The following TEP1 variants were observed in gnomAD, a reference collection of about 807,000 sequenced individuals.
TEP1 encodes the protein telomerase associated protein 1.
Under a neutral mutation model 306.3 loss-of-function variants are expected in TEP1, and 241 were observed. The observed-to-expected ratio is 0.79, with a 90% CI of 0.71 to 0.88. The LOEUF is 0.88. Ranked by LOEUF, TEP1 falls within the 40% of genes least tolerant of loss-of-function variation. TEP1 has a pLI of 0.00. For synonymous variants in TEP1, 1,289 were observed against 1,305.5 expected (o/e 0.99, Z 0.27); for missense variants, 3,051 against 3,276.1 (o/e 0.93, Z 1.68).
In TEP1 at chr14:20,408,066, C is replaced by T. The variant is rs1481997730; in HGVS notation, c.374G>A (p.Ser125Asn). ...LSSLKSTVSA[S>N]PLFQSLQISH... ...TATCTGTAGACTCTGGAACAAGGGG[C>T]TGGCAGACACAGTGCTCTTTAGACT... The change falls in exon 2 of 55, where the codon AGC becomes AAC. Residue 125 changes from serine to asparagine, a missense_variant. Ser to Asn is a conservative substitution (Grantham distance 46). Coordinates refer to ENST00000262715, the MANE Select transcript of TEP1 (RefSeq NM_007110.5). 1.4e-5 allele frequency: 23 copies of T among 1,614,036 alleles called. No individual in the cohort carries two copies. Among genetic ancestry groups the T allele is most frequent in the Non-Finnish European group, 1.8e-5 (21 of 1,180,046 alleles).
Position 20,373,289 on chromosome 14 carries a change from C to T in TEP1, c.6795G>A (p.Trp2265Ter), listed in dbSNP as rs1264242119. ...TASEDGSVRLWQVPKEADDTC... is the reference protein window; with the variant it reads ...TASEDGSVRL Reference sequence around the variant, plus strand: ...ACTCACCTGCTTCCTTAGGAACCTGCCAGAGCCGTACAGAACCATCCTCAG... The same window carrying T: ...ACTCACCTGCTTCCTTAGGAACCTGTCAGAGCCGTACAGAACCATCCTCAG... The change falls in exon 47 of 55, where the codon TGG (tryptophan) becomes TGA (stop). Residue 2265 changes from tryptophan to a stop codon, truncating the protein, a stop_gained. Transcript: ENST00000262715. LOFTEE classifies it high-confidence loss of function. 1.2e-6 allele frequency: 2 copies of T among 1,614,170 alleles called. No individual in the cohort carries two copies. Among genetic ancestry groups the T allele is most frequent in the Non-Finnish European group, 1.7e-6 (2 of 1,180,020 alleles).
At chr14:20,375,629 T>C in intron 43 of TEP1, 126 bp downstream of exon 43, 1 of 627,602 alleles carries the variant, frequency 1.6e-6, no homozygotes, top group Non-Finnish European at 2.9e-6. Flanking sequence ...GCCTGGCACA[T>C]ATCAAGTTTG....
intron 4 of TEP1, 130 bp from the exon 5 acceptor site, chr14:20,404,902 G>A (rs1330385502): frequency 2.8e-5 from 30 of 1,077,786 alleles, no homozygotes; most frequent in East Asian, 5.6e-5. Context: ...CACAAAATAC[G>A]AAGCCCAGGC....
chr14:20,378,837 C>A lies in TEP1; in HGVS notation c.5269G>T (p.Ala1757Ser), dbSNP rs140427855. 34 of 1,614,182 alleles carry A rather than the reference C, an allele frequency of 2.1e-5. No homozygotes were observed. The African/African-American group carries it at 3.6e-4, about 17-fold the overall frequency. Residue 1757 changes from alanine (A) to serine (S), a missense_variant, in exon 37 of 55, where the codon GCT becomes TCT. This residue lies in a region of TEP1 where 1,540 missense variants were observed against 1,705.9 expected (regional missense o/e 0.90). Coordinates refer to ENST00000262715, the MANE Select transcript of TEP1 (RefSeq NM_007110.5). The part of the protein sequence containing the change: ...QHGCRVLQTK[A>S]HQYQITGCCL... ...CAGCCAGTGATTTGGTACTGGTGAG[C>A]CTTAGTCTGCAGCACCCTATCCCAG...
intron 50 of TEP1, 55 bp from the exon 51 acceptor site, chr14:20,371,369 A>T: frequency 6.3e-7 from 1 of 1,593,934 alleles, no homozygotes; most frequent in Admixed American, 1.7e-5. Flanking sequence ...AGGTAAAGAG[A>T]AGAACACCTC....
chr14:20,395,471 T>C lies in TEP1; in HGVS notation c.1907A>G (p.Lys636Arg). 2 of 1,600,604 alleles carry C rather than the reference T, an allele frequency of 1.2e-6. No individual in the cohort carries two copies. Among genetic ancestry groups the C allele is most frequent in the African/African-American group, 1.3e-5 (1 of 74,864 alleles). The change falls in exon 12 of 55, where the codon AAG becomes AGG. Residue 636 changes from lysine (K) to arginine (R), a missense_variant. Around this residue, in one of 3 missense-constraint regions of TEP1, gnomAD observed 1,507 missense variants for 1,550.5 expected, o/e 0.97. Transcript: ENST00000262715. ...PVLYEQLKREKLRVHKARQWK... is the reference protein window; with the variant it reads ...PVLYEQLKRERLRVHKARQWK... ...ATACCTGGCCTTGTGTACTCTCAGC[T>C]TCTCCCTCTTGAGCTGCTCATACAA... is the stretch of plus-strand genomic sequence containing the variant.
At chr14:20,376,035 T>C (rs45616833) in intron 42 of TEP1, 69 bp downstream of exon 42, 99,018 of 1,574,694 alleles carry the variant, frequency 0.063, 3,351 homozygotes, top group South Asian at 0.092. Flanking sequence ...CAATGGGAAA[T>C]GGGTTGTTAA....
At chr14:20,375,466 A>G (rs1435848842) in intron 43 of TEP1, among the ~76,000 whole-genome samples, 1 of 152,038 alleles carries the variant, frequency 6.6e-6, no homozygotes. Flanking sequence ...AGGCTTTCTT[A>G]TTAGAGAGTT....
intron 43 of TEP1, among the ~76,000 whole-genome samples, chr14:20,375,020 G>T (rs575793302): frequency 6.3e-4 from 95 of 151,414 alleles, no homozygotes; most frequent in African/African-American, 2.2e-3. Context: ...GAACCTGGGA[G>T]GTGGAGATTG....
chr14:20,375,804 C>T lies in TEP1; in HGVS notation c.6314G>A (p.Cys2105Tyr). 1 of 1,613,726 alleles carries T rather than the reference C, an allele frequency of 6.2e-7. No homozygotes were observed. The highest frequency in any genetic ancestry group is 1.1e-5 in the South Asian group (1 of 91,064). Residue 2105 changes from cysteine (C) to tyrosine (Y), a missense_variant, in exon 43 of 55, where the codon TGT (cysteine) becomes TAT (tyrosine). Around this residue, in one of 3 missense-constraint regions of TEP1, gnomAD observed 1,540 missense variants for 1,705.9 expected, o/e 0.90. Transcript: ENST00000262715. ...ACAGCCAGTGACCCAGTCACGGTGA[C>T]AGGCAGGGAAGGAGTGGATCAAAAC... ...TPVLIHSFPA[C>Y]HRDWVTGCAW...
Position 20,383,769 on chromosome 14 carries a change from C to T in TEP1, c.3684G>A (p.Glu1228=), listed in dbSNP as rs1406948187. ...LCTYLRGQLK[E]PGALPSTYRS... is the part of the protein sequence containing the mutation. ...GGTAGGTGCTGGGGAGGGCACCTGG[C>T]TCTTTTAGTTGGCCACGCAGATAGG... The change falls in exon 25 of 55, where the codon GAG becomes GAA. Residue 1228 remains glutamate, a synonymous_variant. Coordinates refer to ENST00000262715, the MANE Select transcript of TEP1 (RefSeq NM_007110.5). 35 of 1,611,546 alleles carry T rather than the reference C, an allele frequency of 2.2e-5. No individual in the cohort carries two copies. The highest frequency in any genetic ancestry group is 2.8e-5 in the Non-Finnish European group (33 of 1,179,360).
chr14:20,391,770 A>T lies in TEP1; in HGVS notation c.1929-3T>A. ...TCTCACCATCATATTTCCACTGTCT[A>T]CATGCAAGAAAGACACAGACACAGG... On this transcript the variant is annotated splice_region_variant and splice_polypyrimidine_tract_variant and intron_variant, in intron 12 of 54. Coordinates refer to ENST00000262715, the MANE Select transcript of TEP1 (RefSeq NM_007110.5). 6.2e-7 allele frequency: 1 copy of T among 1,613,528 alleles called. No homozygotes were observed. The highest frequency in any genetic ancestry group is 8.5e-7 in the Non-Finnish European group (1 of 1,179,538).
Position 20,375,815 on chromosome 14 carries a change from G to A in TEP1, c.6303C>T (p.Ser2101=), listed in dbSNP as rs745795769. 1.7e-5 allele frequency: 27 copies of A among 1,613,526 alleles called. No individual in the cohort carries two copies. In the South Asian group the frequency reaches 2.7e-4, roughly 16 times the overall value. The change falls in exon 43 of 55, where the codon TCC becomes TCT. Residue 2101 remains serine (S), a synonymous_variant. Transcript: ENST00000262715. ...CCCAGTCACGGTGACAGGCAGGGAA[G>A]GAGTGGATCAAAACAGGGGTTTTGG... ...RTPKTPVLIH[S]FPACHRDWVT...
At chr14:20,396,308 AT>A (rs1310014613) in intron 10 of TEP1, among the ~76,000 whole-genome samples, 6 of 152,238 alleles carry the variant, frequency 3.9e-5, no homozygotes, top group African/African-American at 1.4e-4. Flanking sequence ...ATCTCTATAA[AT>A]AAAAAACAAA....
intron 18 of TEP1, 48 bp from the exon 19 acceptor site, chr14:20,386,671 C>A: frequency 6.6e-7 from 1 of 1,509,894 alleles, no homozygotes; most frequent in East Asian, 2.4e-5. Context: ...GATTCCCACC[C>A]CCCATCCATA....
In TEP1 at chr14:20,396,644, T is replaced by C; in HGVS notation, c.1636A>G (p.Ile546Val). The part of the protein sequence containing the change: ...VGISSRHHEL[I>V]LQRLQHAKSV... ...ACCGCATGCTGGAGTCTCTGGAGAA[T>C]GAGCTCATGGTGGCGGGAACTGATT... The change falls in exon 10 of 55, where the codon ATT becomes GTT. Residue 546 changes from isoleucine to valine, a missense_variant. Transcript: ENST00000262715. The C allele has an allele frequency of 1.2e-6, 2 of 1,610,252 alleles. No homozygotes were observed. Among genetic ancestry groups the C allele is most frequent in the Admixed American group, 1.7e-5 (1 of 59,948 alleles).
intron 13 of TEP1, 38 bp downstream of exon 13, chr14:20,391,561 C>A: frequency 6.3e-7 from 1 of 1,587,654 alleles, no homozygotes; most frequent in Admixed American, 1.7e-5. Flanking sequence ...AGCATTCTAC[C>A]AACCCAACCC....
At chr14:20,408,708 C>T (rs907477014) in intron 1 of TEP1, among the ~76,000 whole-genome samples, 1 of 152,140 alleles carries the variant, frequency 6.6e-6, no homozygotes, top group African/African-American at 2.4e-5. Context: ...TGGCTCATGC[C>T]TGTAATCCCA....
At position 20,368,559 on chromosome 14, in the gene TEP1, G is replaced by T; in HGVS notation, c.7762C>A (p.Leu2588Met). 6.2e-7 allele frequency: 1 copy of T among 1,614,122 alleles called. No homozygotes were observed. The highest frequency in any genetic ancestry group is 8.5e-7 in the Non-Finnish European group (1 of 1,179,996). Residue 2588 changes from leucine (L) to methionine (M), a missense_variant and splice_region_variant, in exon 55 of 55, where the codon CTG (leucine) becomes ATG (methionine). Coordinates refer to ENST00000262715, the MANE Select transcript of TEP1 (RefSeq NM_007110.5). ...GACCCTTCGCATCGGAACAGGCCCAGCTACGATGGGAACAAAAATAGGGGA... is the reference window on the plus strand; with the variant it reads ...GACCCTTCGCATCGGAACAGGCCCATCTACGATGGGAACAAAAATAGGGGA... The part of the protein sequence containing the change: ...KLWERPSMQL[L>M]GLFRCEGSVS...
Sources: allele counts gnomAD v4.1 joint callset (sites outside exome capture counted in the v4.1 genomes callset), GRCh38; gene constraint gnomAD v4.1.1; regional missense constraint gnomAD v4.1.1; transcripts MANE v1.5; gene names NCBI Gene and HGNC (gene_info 2026-07-23, HGNC 2026-07-21).